Variants in CPEB4 observed in about 807,000 individuals in gnomAD.
CPEB4 encodes cytoplasmic polyadenylation element binding protein 4.
Under a neutral mutation model 72.5 loss-of-function variants are expected in CPEB4, and 12 were observed. That is an observed-to-expected ratio of 0.17 (90% CI 0.11 to 0.27). The LOEUF (loss-of-function observed/expected upper bound fraction) is 0.27, where lower values mean the gene tolerates loss of function less well. CPEB4 is among the 10% of genes least tolerant of loss of function. CPEB4 has a pLI of 1.00. For synonymous variants in CPEB4, 302 were observed against 326.3 expected, an observed-to-expected ratio of 0.93 and a Z score of 0.80; for missense variants, 614 against 908.5, an observed-to-expected ratio of 0.68 and a Z score of 4.17.
chr5:173,895,252 C>G (rs1755964662), intron 1 of CPEB4, among the ~76,000 whole-genome samples: 1 of 152,126 alleles, frequency 6.6e-6, no homozygotes, highest in South Asian at 2.1e-4. Flanking sequence ...GGGGCACCTG[C>G]CAATAATTAT....
intron 5 of CPEB4, among the ~76,000 whole-genome samples, chr5:173,948,033 T>C (rs1295975503): frequency 6.6e-6 from 1 of 152,014 alleles, no homozygotes; most frequent in African/African-American, 2.4e-5. Context: ...AGGGACAATT[T>C]TGGGGACAAA....
intron 1 of CPEB4, among the ~76,000 whole-genome samples, chr5:173,894,166 G>C (rs902725190): frequency 1.3e-5 from 2 of 151,898 alleles, no homozygotes; most frequent in African/African-American, 4.8e-5. Flanking sequence ...GCTAATTTTT[G>C]TATTTTTTTG....
intron 5 of CPEB4, among the ~76,000 whole-genome samples, chr5:173,947,018 G>A (rs1424698189): frequency 6.6e-6 from 1 of 151,912 alleles, no homozygotes; most frequent in Non-Finnish European, 1.5e-5. Context: ...AATAGGTATC[G>A]TAGAAGAGCA....
chr5:173,905,367 G>GC (rs1756396535), intron 1 of CPEB4, among the ~76,000 whole-genome samples: 1 of 150,592 alleles, frequency 6.6e-6, no homozygotes, highest in Non-Finnish European at 1.5e-5. Flanking sequence ...ATGGAGTCTC[G>GC]CTCTAACGCC....
rs1006383492 is a variant in CPEB4, at chr5:173,956,702, A to G, written c.*565A>G. 1.3e-5 allele frequency: 2 copies of G among 151,542 alleles called. No homozygotes were observed. The highest frequency in any genetic ancestry group is 4.8e-5 in the African/African-American group (2 of 41,248). 9.4% of individuals were successfully genotyped at this position (151,542 alleles called of 1,614,324 possible). On this transcript the variant is annotated 3_prime_UTR_variant, in exon 10 of 10. Coordinates refer to ENST00000265085, the MANE Select transcript of CPEB4 (RefSeq NM_030627.4). ...AGGAAGTTAACAATTTTTAATGGAA[A>G]GAGCATGTTAGAGCAAACAAATGCA...
At chr5:173,905,335 T>C (rs1209245629) in intron 1 of CPEB4, among the ~76,000 whole-genome samples, 1 of 152,004 alleles carries the variant, frequency 6.6e-6, no homozygotes, top group African/African-American at 2.4e-5. Flanking sequence ...TAAAATGCCA[T>C]GATTGTCTTT....
intron 3 of CPEB4, among the ~76,000 whole-genome samples, chr5:173,939,753 C>T (rs1581158255): frequency 6.9e-6 from 1 of 144,886 alleles, no homozygotes. Flanking sequence ...TATTTTGAGC[C>T]TTTTTTTTTT....
chr5:173,904,872 G>A (rs1408392694), intron 1 of CPEB4, among the ~76,000 whole-genome samples: 2 of 151,636 alleles, frequency 1.3e-5, no homozygotes, highest in South Asian at 2.1e-4. Flanking sequence ...TTGGGAGGCC[G>A]AGGCCAGAGG....
intron 2 of CPEB4, among the ~76,000 whole-genome samples, chr5:173,911,511 C>T (rs947752031): frequency 1.3e-5 from 2 of 152,194 alleles, no homozygotes; most frequent in Middle Eastern, 3.4e-3. Flanking sequence ...ATCTGCCCGC[C>T]TCGGCCTCCC....
rs796119853 is a variant in CPEB4 at position 173,924,303 on chromosome 5, ATC to A, written c.1208-8145_1208-8144del. Among the ~76,000 whole-genome samples, 13 of 152,286 alleles carry A rather than the reference ATC, an allele frequency of 8.5e-5. No homozygotes were observed. The South Asian group carries it at 2.7e-3, about 32-fold the overall frequency. On this transcript the variant is annotated intron_variant, in intron 2 of 9. Coordinates refer to ENST00000265085, the MANE Select transcript of CPEB4 (RefSeq NM_030627.4). Reference sequence around the variant, plus strand: ...GAAGTTTTCATTAAAATTATTATGTATCTTTGCCAGTTTGGCTTTGATGAAAG... The same window carrying A: ...GAAGTTTTCATTAAAATTATTATGTATTTGCCAGTTTGGCTTTGATGAAAG...
rs576703113 is a variant in CPEB4 at position 173,922,730 on chromosome 5, G to T, written c.1208-9720G>T. ...GATTTGCCATGGGACTTAAGCATGTGCATTCTTCATGTGATTCAGATACAC... is the reference window on the plus strand; with the variant it reads ...GATTTGCCATGGGACTTAAGCATGTTCATTCTTCATGTGATTCAGATACAC... On this transcript the variant is annotated intron_variant, in intron 2 of 9. Coordinates refer to ENST00000265085, the MANE Select transcript of CPEB4 (RefSeq NM_030627.4). Among the ~76,000 whole-genome samples the T allele has an allele frequency of 2.6e-5, 4 of 152,290 alleles. No individual in the cohort carries two copies. In the South Asian group the frequency reaches 8.3e-4, roughly 32 times the overall value.
In CPEB4 at chr5:173,909,157, A is replaced by G. The variant is rs189217424; in HGVS notation, c.1126-1366A>G. ...CTTGGTTAAGCTAGGGGTTTAGGTC[A>G]GCAATGTACCCCACACTCTTCCTTC... On this transcript the variant is annotated intron_variant, in intron 1 of 9. Coordinates refer to ENST00000265085, the MANE Select transcript of CPEB4 (RefSeq NM_030627.4). 2.6e-3 allele frequency among the ~76,000 whole-genome samples: 398 copies of G among 152,286 alleles called. 4 individuals are homozygous for G. The highest frequency in any genetic ancestry group is 9.3e-3 in the African/African-American group (388 of 41,550).
chr5:173,894,753 T>C (rs1043389858), intron 1 of CPEB4, among the ~76,000 whole-genome samples: 3 of 152,186 alleles, frequency 2.0e-5, no homozygotes, highest in African/African-American at 7.2e-5. Flanking sequence ...AAGATTTGGC[T>C]CTTAATCATT....
Position 173,936,814 on chromosome 5 carries a change from C to CT in CPEB4, c.1258+4329dup, listed in dbSNP as rs57420146. The stretch of plus-strand genomic sequence containing the variant: ...TGTATAAAAATGCTTGTGCATTATA[C>CT]TTTTTTTTTTTTTTTCTCTAACCTT... On this transcript the variant is annotated intron_variant, in intron 3 of 9. Transcript: ENST00000265085. 6.9e-3 allele frequency among the ~76,000 whole-genome samples: 985 copies of CT among 142,504 alleles called. 7 individuals are homozygous for CT. Among genetic ancestry groups the CT allele is most frequent in the Middle Eastern group, 0.025 (7 of 278 alleles). 93.5% of individuals were successfully genotyped at this position (142,504 alleles called of 152,430 possible).
intron 5 of CPEB4, among the ~76,000 whole-genome samples, chr5:173,948,813 AAGG>A (rs1561631849): frequency 6.6e-6 from 1 of 152,168 alleles, no homozygotes; most frequent in Non-Finnish European, 1.5e-5. Context: ...CACATGGCAG[AAGG>A]AGTGAAGGGT....
chr5:173,933,210 T>C (rs1414845796), intron 3 of CPEB4, among the ~76,000 whole-genome samples: 3 of 152,228 alleles, frequency 2.0e-5, no homozygotes, highest in African/African-American at 7.2e-5. Flanking sequence ...TTTCTGTGTG[T>C]AGAAAATGTC....
At chr5:173,925,091 G>A (rs1404424648) in intron 2 of CPEB4, among the ~76,000 whole-genome samples, 1 of 152,170 alleles carries the variant, frequency 6.6e-6, no homozygotes, top group Non-Finnish European at 1.5e-5. Context: ...GGGGCAGAGA[G>A]AGAGAGGAGG....
At position 173,957,658 on chromosome 5, in the gene CPEB4, GGTTTA is replaced by G. The variant is rs1252340338; in HGVS notation, c.*1522_*1526del. 6.5e-6 allele frequency: 1 copy of G among 152,698 alleles called. No homozygotes were observed. Among genetic ancestry groups the G allele is most frequent in the Non-Finnish European group, 1.5e-5 (1 of 68,042 alleles). 9.5% of individuals were successfully genotyped at this position (152,698 alleles called of 1,614,324 possible). A position where few individuals can be genotyped will look rare whatever the true frequency, so the allele number is the denominator to read the frequency against. ...TTAAATGCCCTATCCATCATTAAAA[GGTTTA>G]TTATCAGTGGGCAAAACATGAAATA... On this transcript the variant is annotated 3_prime_UTR_variant, in exon 10 of 10. Coordinates refer to ENST00000265085, the MANE Select transcript of CPEB4 (RefSeq NM_030627.4).
rs773850447 is a variant in CPEB4 at position 173,910,535 on chromosome 5, A to G, written c.1138A>G (p.Thr380Ala). Reference sequence around the variant, plus strand: ...TTTGTGTCTACAGGATCGCCCCAGGACATTCGACATGCACTCACTGGAGAG... The same window carrying G: ...TTTGTGTCTACAGGATCGCCCCAGGGCATTCGACATGCACTCACTGGAGAG... ...NIFPFPDRPRTFDMHSLESSL... is the reference protein window; with the variant it reads ...NIFPFPDRPRAFDMHSLESSL... The change falls in exon 2 of 10, where the codon ACA (threonine) becomes GCA (alanine). Residue 380 changes from threonine to alanine, a missense_variant. Thr to Ala is a moderately conservative substitution (Grantham distance 58). Coordinates refer to ENST00000265085, the MANE Select transcript of CPEB4 (RefSeq NM_030627.4). 6.2e-7 allele frequency: 1 copy of G among 1,613,354 alleles called. No individual in the cohort carries two copies. Among genetic ancestry groups the G allele is most frequent in the South Asian group, 1.1e-5 (1 of 91,040 alleles).
Sources: gnomAD v4.1 joint callset for allele counts (sites outside exome capture counted in the v4.1 genomes callset) on GRCh38, gnomAD v4.1.1 for gene constraint, MANE v1.5 for transcripts, NCBI Gene and HGNC (gene_info 2026-07-23, HGNC 2026-07-21) for gene names.